RXFP2: variants seen among roughly 807,000 people sequenced by gnomAD.
The protein encoded by RXFP2 is relaxin family peptide receptor 2.
Under a neutral mutation model 88.6 loss-of-function variants are expected in RXFP2, and 68 were observed. The ratio of observed to expected loss-of-function variants is 0.77; its 90% CI spans 0.63 to 0.94. The LOEUF (loss-of-function observed/expected upper bound fraction) is 0.94. Ranked by LOEUF, RXFP2 falls within the 40% of genes least tolerant of loss-of-function variation. RXFP2 has a pLI of 0.00. For missense variants in RXFP2, 791 were observed against 893.9 expected (o/e 0.88, Z 1.47); for synonymous variants, 329 against 306.8 (o/e 1.07, Z -0.76).
At chr13:31,770,484 T>G (rs1032235982) in intron 5 of RXFP2, among the ~76,000 whole-genome samples, 2 of 152,222 alleles carry the variant, frequency 1.3e-5, no homozygotes, top group Non-Finnish European at 2.9e-5. Context: ...TTCACTGACC[T>G]GCCATATAGC....
intron 2 of RXFP2, among the ~76,000 whole-genome samples, chr13:31,760,120 C>T (rs1422837154): frequency 6.6e-6 from 1 of 152,088 alleles, no homozygotes; most frequent in Non-Finnish European, 1.5e-5. Context: ...TGGAGTCTTG[C>T]TCTTGTTGCC....
intron 17 of RXFP2, among the ~76,000 whole-genome samples, chr13:31,799,050 T>C (rs1874197298): frequency 6.6e-6 from 1 of 152,186 alleles, no homozygotes; most frequent in Non-Finnish European, 1.5e-5. Flanking sequence ...GATGATAAGC[T>C]TGGGGAGGCG....
At chr13:31,786,928 A>G (rs1404311251) in intron 13 of RXFP2, among the ~76,000 whole-genome samples, 1 of 152,242 alleles carries the variant, frequency 6.6e-6, no homozygotes. Context: ...TAAATTTGCA[A>G]TAGTTTTGTT....
chr13:31,785,264 TCCCA>T (rs948147978), intron 11 of RXFP2, among the ~76,000 whole-genome samples: 5 of 152,210 alleles, frequency 3.3e-5, no homozygotes, highest in African/African-American at 1.2e-4. Flanking sequence ...CGCATGGCTT[TCCCA>T]TTTTGTCTCC....
In RXFP2 at chr13:31,792,860, A is replaced by C; in HGVS notation, c.1558A>C (p.Lys520Gln). 6.2e-7 allele frequency: 1 copy of C among 1,614,150 alleles called. No individual in the cohort carries two copies. Residue 520 changes from lysine to glutamine, a missense_variant, in exon 16 of 18, where the codon AAG (lysine) becomes CAG (glutamine). Lys to Gln is a moderately conservative substitution (Grantham distance 53). Transcript: ENST00000298386. ...VLLLTYLTLE[K>Q]FLVIVFPFSN... ...GCTACTGACCTACTTGACTTTGGAG[A>C]AGTTCCTGGTCATTGTCTTCCCCTT...
chr13:31,764,804 C>T (rs1181623318), intron 3 of RXFP2, among the ~76,000 whole-genome samples: 1 of 152,162 alleles, frequency 6.6e-6, no homozygotes, highest in African/African-American at 2.4e-5. Flanking sequence ...TTTCCAATCA[C>T]TTGGTAAATG....
chr13:31,800,921 A>G (rs1874304646), intron 17 of RXFP2, among the ~76,000 whole-genome samples: 1 of 152,068 alleles, frequency 6.6e-6, no homozygotes, highest in East Asian at 1.9e-4. Flanking sequence ...TATTCCTTTC[A>G]GTTAAAAAAT....
chr13:31,793,024 C>A lies in RXFP2; in HGVS notation c.1722C>A (p.Phe574Leu). 6.2e-7 allele frequency: 1 copy of A among 1,613,476 alleles called. No individual in the cohort carries two copies. The highest frequency in any genetic ancestry group is 1.1e-5 in the South Asian group (1 of 91,062). ...TTTATGGGAAAAATGGAGTATGTTT[C>A]CCACTTTATTATGACCAAACAGAAG... The part of the protein sequence containing the change: ...GNFYGKNGVC[F>L]PLYYDQTEDI... The change falls in exon 16 of 18, where the codon TTC becomes TTA. Residue 574 changes from phenylalanine to leucine, a missense_variant. Physicochemically the swap from Phe to Leu is conservative, Grantham distance 22. Coordinates refer to ENST00000298386, the MANE Select transcript of RXFP2 (RefSeq NM_130806.5).
intron 1 of RXFP2, among the ~76,000 whole-genome samples, chr13:31,749,534 A>G (rs180856589): frequency 6.6e-6 from 1 of 152,332 alleles, no homozygotes; most frequent in African/African-American, 2.4e-5. Flanking sequence ...GGAAAGAATG[A>G]ACATCTTTAA....
At chr13:31,761,992 A>G (rs1183939855) in intron 3 of RXFP2, among the ~76,000 whole-genome samples, 191 bp downstream of exon 3, 2 of 152,362 alleles carry the variant, frequency 1.3e-5, no homozygotes, top group South Asian at 2.1e-4. Context: ...ATCTCCATTT[A>G]TGCTATTTTC....
At chr13:31,744,639 T>G (rs1871336508) in intron 1 of RXFP2, among the ~76,000 whole-genome samples, 1 of 152,202 alleles carries the variant, frequency 6.6e-6, no homozygotes, top group African/African-American at 2.4e-5. Flanking sequence ...ATGTGTCTGA[T>G]GAAGGAAAGA....
rs201811809 is a variant in RXFP2 at position 31,797,330 on chromosome 13, G to C, written c.1916G>C (p.Arg639Pro). 6.2e-7 allele frequency: 1 copy of C among 1,613,966 alleles called. No homozygotes were observed. The highest frequency in any genetic ancestry group is 8.5e-7 in the Non-Finnish European group (1 of 1,180,002). ...CFGREVAVAN[R>P]FFFIVFSDAI... ...GGAAGAGAGGTGGCTGTTGCAAATC[G>C]TTTCTTTTTTATAGTGTTCTCTGAT... Residue 639 changes from arginine to proline, a missense_variant, in exon 17 of 18, where the codon CGT becomes CCT. Arg to Pro is a moderately radical substitution (Grantham distance 103). Coordinates refer to ENST00000298386, the MANE Select transcript of RXFP2 (RefSeq NM_130806.5).
chr13:31,777,228 C>T (rs1873030503), intron 7 of RXFP2, 148 bp from the exon 8 acceptor site: 1 of 642,758 alleles, frequency 1.6e-6, no homozygotes. Flanking sequence ...GTTGCTCCAA[C>T]CACAGACGGA....
chr13:31,746,508 T>C (rs1462533285), intron 1 of RXFP2, among the ~76,000 whole-genome samples: 1 of 152,196 alleles, frequency 6.6e-6, no homozygotes. Flanking sequence ...AGTTTACCTA[T>C]AGAGCAGACT....
chr13:31,796,204 C>T (rs549483203), intron 16 of RXFP2, among the ~76,000 whole-genome samples: 1 of 149,390 alleles, frequency 6.7e-6, no homozygotes, highest in South Asian at 2.1e-4. Context: ...CGCCCGCCAC[C>T]GCGCCCGGCT....
intron 9 of RXFP2, 56 bp from the exon 10 acceptor site, chr13:31,781,615 T>TA: frequency 8.0e-7 from 1 of 1,251,354 alleles, no homozygotes; most frequent in African/African-American, 1.5e-5. Flanking sequence ...AAAGTATCTC[T>TA]AAGCATATGA....
intron 7 of RXFP2, 143 bp from the exon 8 acceptor site, chr13:31,777,233 G>T (rs1873030743): frequency 1.5e-6 from 1 of 650,924 alleles, no homozygotes; most frequent in East Asian, 2.7e-5. Flanking sequence ...TCCAACCACA[G>T]ACGGAAGGAA....
intron 1 of RXFP2, 145 bp downstream of exon 1, chr13:31,739,851 T>C: frequency 2.9e-6 from 2 of 678,042 alleles, no homozygotes; most frequent in Non-Finnish European, 5.3e-6. Flanking sequence ...TCATTATCTT[T>C]CATTGCTTGT....
In RXFP2 at chr13:31,775,422, G is replaced by A. The variant is rs374091391; in HGVS notation, c.641+33G>A. 14 of 1,451,814 alleles carry A rather than the reference G, an allele frequency of 9.6e-6. No individual in the cohort carries two copies. The African/African-American group carries it at 1.4e-4, about 14-fold the overall frequency. The allele number at this position is 1,451,814 out of a possible 1,614,324, so 89.9% of individuals were successfully genotyped here. ...CTCTAATTCTTCTTTCTCCCATAGA[G>A]GATCATAGTCTTGATGATATATAAC... On this transcript the variant is annotated intron_variant, in intron 7 of 17. Transcript: ENST00000298386.
Sources: gnomAD v4.1 joint callset for allele counts (sites outside exome capture counted in the v4.1 genomes callset) on GRCh38, gnomAD v4.1.1 for gene constraint, MANE v1.5 for transcripts, NCBI Gene and HGNC (gene_info 2026-07-23, HGNC 2026-07-21) for gene names.